Variants in TTF2 observed in about 807,000 individuals in gnomAD.
The protein encoded by TTF2 is RNA polymerase II termination factor.
Under a neutral mutation model 142.4 loss-of-function variants are expected in TTF2, and 108 were observed. The observed-to-expected ratio is 0.76, with a 90% confidence interval of 0.65 to 0.89. TTF2 has a LOEUF of 0.89. TTF2 is among the 40% of genes least tolerant of loss of function. TTF2 has a pLI of 0.00. For missense variants in TTF2, 1,327 were observed against 1,379.8 expected, an observed-to-expected ratio of 0.96 and a Z score of 0.61; for synonymous variants, 483 against 506.2, an observed-to-expected ratio of 0.95 and a Z score of 0.61.
In TTF2 at chr1:117,100,413, G is replaced by A. The variant is rs1043413812; in HGVS notation, c.3345-967G>A. ...GAATCCTGTTCTCTCCATCACCACC[G>A]AAGGGCTCTTCCTAGCTAATCCATC... On this transcript the variant is annotated intron_variant, in intron 22 of 22. Transcript: ENST00000369466. This position sits in a 1 kb window ranked among gnomAD's most constrained non-coding sequence, Gnocchi z 4.6. Among the ~76,000 whole-genome samples the A allele has an allele frequency of 1.3e-5, 2 of 151,936 alleles. No homozygotes were observed. The highest frequency in any genetic ancestry group is 1.9e-4 in the East Asian group (1 of 5,178).
intron 13 of TTF2, 88 bp downstream of exon 13, chr1:117,089,070 G>A: frequency 7.2e-7 from 1 of 1,383,868 alleles, no homozygotes; most frequent in East Asian, 2.5e-5. Context: ...GCCTTAGTAT[G>A]TGCCAGATTA....
At position 117,101,257 on chromosome 1, in the gene TTF2, C is replaced by T; in HGVS notation, c.3345-123C>T. On this transcript the variant is annotated intron_variant, in intron 22 of 22. Transcript: ENST00000369466. This position sits in a 1 kb window ranked among gnomAD's most constrained non-coding sequence, Gnocchi z 5.9. The stretch of plus-strand genomic sequence containing the variant: ...CCTCAGACAGGGTTCTTAACTGGAC[C>T]TAAGAAGACTTAAAGGAAGAAATCT... 1 of 1,056,724 alleles carries T rather than the reference C, an allele frequency of 9.5e-7. No individual in the cohort carries two copies. Among genetic ancestry groups the T allele is most frequent in the South Asian group, 1.8e-5 (1 of 56,124 alleles). 65.5% of individuals were successfully genotyped at this position (1,056,724 alleles called of 1,614,324 possible).
chr1:117,079,495 G>T lies in TTF2; in HGVS notation c.1702-73G>T. 1.4e-6 allele frequency: 2 copies of T among 1,394,298 alleles called. No homozygotes were observed. Among genetic ancestry groups the T allele is most frequent in the South Asian group, 1.2e-5 (1 of 85,748 alleles). The allele number at this position is 1,394,298 out of a possible 1,614,324, so 86.4% of individuals were successfully genotyped here. Reference sequence around the variant, plus strand: ...TTTGTAGAAAATAGGAGAGTGTAGAGTTCGTGTAGCCAGGCTCGGCATAGC... The same window carrying T: ...TTTGTAGAAAATAGGAGAGTGTAGATTTCGTGTAGCCAGGCTCGGCATAGC... On this transcript the variant is annotated intron_variant, in intron 8 of 22. Coordinates refer to ENST00000369466, the MANE Select transcript of TTF2 (RefSeq NM_003594.4). This position sits in a 1 kb window ranked among gnomAD's most constrained non-coding sequence, Gnocchi z 4.2.
intron 9 of TTF2, among the ~76,000 whole-genome samples, chr1:117,081,025 C>T (rs571142942): frequency 6.6e-6 from 1 of 152,344 alleles, no homozygotes; most frequent in East Asian, 1.9e-4. Context: ...AGGTGTTCAA[C>T]ATAAACCATA....
chr1:117,062,777 C>G (rs1485281955), intron 3 of TTF2, among the ~76,000 whole-genome samples: 1 of 152,130 alleles, frequency 6.6e-6, no homozygotes, highest in Non-Finnish European at 1.5e-5. Flanking sequence ...TGTCAATCTT[C>G]TAATTCTGGT....
rs938698740 is a variant in TTF2 at position 117,086,268 on chromosome 1, T to C, written c.2055-149T>C. ...CAAAATGTGTGTGTGTGTGTGTGTG[T>C]GTGCGTGTGTGTGTTAAGGACACAA... is the stretch of plus-strand genomic sequence containing the variant. On this transcript the variant is annotated intron_variant, in intron 11 of 22. Coordinates refer to ENST00000369466, the MANE Select transcript of TTF2 (RefSeq NM_003594.4). The surrounding 1 kb of genome is among the most constrained non-coding windows in gnomAD (Gnocchi z 4.2). 7 of 583,166 alleles carry C rather than the reference T, an allele frequency of 1.2e-5. No homozygotes were observed. The highest frequency in any genetic ancestry group is 1.9e-5 in the African/African-American group (1 of 53,224). 36.1% of individuals were successfully genotyped at this position (583,166 alleles called of 1,614,324 possible). A position where few individuals can be genotyped will look rare whatever the true frequency, so the allele number is the denominator to read the frequency against.
Position 117,093,930 on chromosome 1 carries a change from T to C in TTF2, c.2976+1029T>C, listed in dbSNP as rs1284988109. Among the ~76,000 whole-genome samples, 30 of 152,190 alleles carry C rather than the reference T, an allele frequency of 2.0e-4. No homozygotes were observed. The highest frequency in any genetic ancestry group is 4.4e-5 in the Non-Finnish European group (3 of 68,036). On this transcript the variant is annotated intron_variant, in intron 18 of 22. Coordinates refer to ENST00000369466, the MANE Select transcript of TTF2 (RefSeq NM_003594.4). The surrounding 1 kb of genome is among the most constrained non-coding windows in gnomAD (Gnocchi z 4.5). ...TTGACCCCGGCTCGTGGGCCATAAA[T>C]CCAGCCCTCCTGCTGCAGTTTTCTC...
rs115000557 is a variant in TTF2, at chr1:117,067,939, G to T, written c.218+5466G>T. 3.3e-3 allele frequency among the ~76,000 whole-genome samples: 504 copies of T among 152,356 alleles called. 2 individuals carry two copies. The highest frequency in any genetic ancestry group is 0.012 in the African/African-American group (481 of 41,586). ...TCTCTTGCAGTGTAGCTGCATTTGT[G>T]TGCAGATCTCTAACTGAAACACCAG... On this transcript the variant is annotated intron_variant, in intron 3 of 22. Coordinates refer to ENST00000369466, the MANE Select transcript of TTF2 (RefSeq NM_003594.4).
chr1:117,094,801 A>G, intron 18 of TTF2: 1 of 372,556 alleles, frequency 2.7e-6, no homozygotes, highest in South Asian at 2.1e-5. Context: ...TATGACAAGG[A>G]CCGTGATAAT....
At position 117,104,057 on chromosome 1, in the gene TTF2, G is replaced by A. The variant is rs1037169848; in HGVS notation, c.*2533G>A. On this transcript the variant is annotated 3_prime_UTR_variant, in exon 23 of 23. Coordinates refer to ENST00000369466, the MANE Select transcript of TTF2 (RefSeq NM_003594.4). ...AGTTTTCAGAACTTAGCAGCAATAA[G>A]GTTTCTGATAAAATCAAGAAGCAAA... is the stretch of plus-strand genomic sequence containing the variant. 3 of 151,980 alleles carry A rather than the reference G, an allele frequency of 2.0e-5. No individual in the cohort carries two copies. Among genetic ancestry groups the A allele is most frequent in the African/African-American group, 7.3e-5 (3 of 41,374 alleles). 9.4% of individuals were successfully genotyped at this position (151,980 alleles called of 1,614,324 possible).
intron 10 of TTF2, among the ~76,000 whole-genome samples, chr1:117,082,360 G>T (rs1436331342): frequency 6.6e-6 from 1 of 152,084 alleles, no homozygotes; most frequent in Non-Finnish European, 1.5e-5. Context: ...CCACAAGTTT[G>T]CACCACCACA....
At chr1:117,089,735 GC>G (rs1488791345) in intron 13 of TTF2, among the ~76,000 whole-genome samples, 1 of 152,038 alleles carries the variant, frequency 6.6e-6, no homozygotes, top group Admixed American at 6.5e-5. Flanking sequence ...ATTCGAGTCA[GC>G]CATAAGAGGA....
intron 3 of TTF2, among the ~76,000 whole-genome samples, chr1:117,071,285 A>C (rs1656554807): frequency 6.6e-6 from 1 of 152,192 alleles, no homozygotes; most frequent in Non-Finnish European, 1.5e-5. Flanking sequence ...GTTAAAAATA[A>C]TGCAACATCC....
At chr1:117,074,439 C>T (rs879716262) in intron 4 of TTF2, among the ~76,000 whole-genome samples, 2 of 152,100 alleles carry the variant, frequency 1.3e-5, no homozygotes, top group African/African-American at 4.8e-5. Context: ...TCGAAAGTAT[C>T]GTGAAGAAAT....
rs571963251 is a variant in TTF2, at chr1:117,102,160, C to T, written c.*636C>T. Reference sequence around the variant, plus strand: ...CTGTCTCAAAAAAAGGAAAAAAAAGCTCAAAAAGTTCTGTGTTGCCTTTCT... The same window carrying T: ...CTGTCTCAAAAAAAGGAAAAAAAAGTTCAAAAAGTTCTGTGTTGCCTTTCT... On this transcript the variant is annotated 3_prime_UTR_variant, in exon 23 of 23. Transcript: ENST00000369466. 13 of 152,348 alleles carry T rather than the reference C, an allele frequency of 8.5e-5. No homozygotes were observed. Among genetic ancestry groups the T allele is most frequent in the African/African-American group, 2.9e-4 (12 of 41,540 alleles). The allele number at this position is 152,348 out of a possible 1,614,324, so 9.4% of individuals were successfully genotyped here.
rs1207230521 is a variant in TTF2, at chr1:117,070,649, A to G, written c.219-3012A>G. ...GTAGCACCCACTGATGGCAGCTGTT[A>G]CTTTGAATTTTATGCATTCAAAGCA... On this transcript the variant is annotated intron_variant, in intron 3 of 22. Coordinates refer to ENST00000369466, the MANE Select transcript of TTF2 (RefSeq NM_003594.4). The surrounding 1 kb of genome is among the most constrained non-coding windows in gnomAD (Gnocchi z 4.2). 2.0e-5 allele frequency among the ~76,000 whole-genome samples: 3 copies of G among 152,250 alleles called. No individual in the cohort carries two copies. The highest frequency in any genetic ancestry group is 4.8e-5 in the African/African-American group (2 of 41,464).
intron 10 of TTF2, among the ~76,000 whole-genome samples, chr1:117,082,478 G>C (rs1375238567): frequency 6.6e-6 from 1 of 152,138 alleles, no homozygotes; most frequent in Non-Finnish European, 1.5e-5. Flanking sequence ...CTTCCAAAGT[G>C]CTGGGATTAT....
rs544338367 is a variant in TTF2 at position 117,079,123 on chromosome 1, C to A, written c.1702-445C>A. On this transcript the variant is annotated intron_variant, in intron 8 of 22. Coordinates refer to ENST00000369466, the MANE Select transcript of TTF2 (RefSeq NM_003594.4). The surrounding 1 kb of genome is among the most constrained non-coding windows in gnomAD (Gnocchi z 4.2). The stretch of plus-strand genomic sequence containing the variant: ...GGCATGGTGGCATACGCATGTAATT[C>A]CAGCTAGTCGGGAGGCTAAGGCAGG... 1.3e-5 allele frequency among the ~76,000 whole-genome samples: 2 copies of A among 152,228 alleles called. No individual in the cohort carries two copies. Among genetic ancestry groups the A allele is most frequent in the East Asian group, 3.9e-4 (2 of 5,186 alleles).
intron 3 of TTF2, among the ~76,000 whole-genome samples, chr1:117,068,593 T>C (rs1268910963): frequency 6.6e-6 from 1 of 151,984 alleles, no homozygotes; most frequent in African/African-American, 2.4e-5. Context: ...ATTAATTGGT[T>C]GTGGTAGATG....
Sources: gnomAD v4.1 joint callset for allele counts (sites outside exome capture counted in the v4.1 genomes callset) on GRCh38, gnomAD v4.1.1 for gene constraint, Gnocchi (gnomAD v3.1) non-coding constraint, MANE v1.5 for transcripts, NCBI Gene and HGNC (gene_info 2026-07-23, HGNC 2026-07-21) for gene names.